HEMK2: variants seen among roughly 807,000 people sequenced by gnomAD.
HEMK2 encodes HemK methyltransferase 2, ETF1 glutamine and histone H4 lysine, also known as methyltransferase HEMK2.
chr21:28,651,096 T>C, the HEMK2 span, among the ~76,000 whole-genome samples: 1 of 152,310 alleles, frequency 6.6e-6, no homozygotes, highest in East Asian at 1.9e-4. Flanking sequence ...TTCAGGAAGA[T>C]AGTTAGAGCT....
the HEMK2 span, among the ~76,000 whole-genome samples, chr21:28,675,600 G>A: frequency 6.6e-6 from 1 of 152,204 alleles, no homozygotes; most frequent in African/African-American, 2.4e-5. Context: ...TATAAGGATT[G>A]ATGATGCATC....
chr21:28,877,239 GGGAAGGGAAGGGAAGAGAAGGGAA>G, the HEMK2 span, among the ~76,000 whole-genome samples: 1 of 98,544 alleles, frequency 1.0e-5, no homozygotes, highest in Non-Finnish European at 2.2e-5. Flanking sequence ...AGGAAAGGAA[GGGAAGGGAAGGGAAGAGAAGGGAA>G]GGAAGGAAGG....
the HEMK2 span, among the ~76,000 whole-genome samples, chr21:28,676,223 T>G: frequency 3.2e-4 from 49 of 152,318 alleles, no homozygotes; most frequent in East Asian, 8.5e-3. Context: ...GATATCAAGG[T>G]GTCAACAAGG....
the HEMK2 span, among the ~76,000 whole-genome samples, chr21:28,687,350 C>A: frequency 6.6e-6 from 1 of 152,192 alleles, no homozygotes; most frequent in Non-Finnish European, 1.5e-5. Flanking sequence ...ACCTCATTTT[C>A]CTCGTCTAGA....
At chr21:28,711,218 T>G in the HEMK2 span, among the ~76,000 whole-genome samples, 4 of 152,296 alleles carry the variant, frequency 2.6e-5, no homozygotes, top group South Asian at 8.3e-4. Flanking sequence ...TCCTCTTAAT[T>G]ATTTTGGAGG....
the HEMK2 span, among the ~76,000 whole-genome samples, chr21:28,741,845 T>C: frequency 6.6e-6 from 1 of 152,186 alleles, no homozygotes; most frequent in African/African-American, 2.4e-5. Context: ...CTATTGTAAA[T>C]AGTGCTGCAG....
At chr21:28,837,250 T>G in the HEMK2 span, among the ~76,000 whole-genome samples, 6 of 152,218 alleles carry the variant, frequency 3.9e-5, no homozygotes, top group Non-Finnish European at 8.8e-5. Context: ...CACATTCTAT[T>G]CAACAACACA....
the HEMK2 span, among the ~76,000 whole-genome samples, chr21:28,698,399 T>C: frequency 6.6e-6 from 1 of 152,322 alleles, no homozygotes; most frequent in South Asian, 2.1e-4. Context: ...AAAATAATGT[T>C]GAGCACATTA....
At chr21:28,695,973 T>TA in the HEMK2 span, among the ~76,000 whole-genome samples, 49 of 151,952 alleles carry the variant, frequency 3.2e-4, no homozygotes, top group East Asian at 3.5e-3. Flanking sequence ...CTCGGTAATT[T>TA]TTATATATAT....
At chr21:28,830,516 T>C in the HEMK2 span, among the ~76,000 whole-genome samples, 1 of 152,190 alleles carries the variant, frequency 6.6e-6, no homozygotes, top group African/African-American at 2.4e-5. Flanking sequence ...CCAGGTCAGG[T>C]AGTTCTTTAT....
At chr21:28,678,004 G>A in the HEMK2 span, among the ~76,000 whole-genome samples, 21 of 152,224 alleles carry the variant, frequency 1.4e-4, no homozygotes, top group African/African-American at 4.8e-4. Context: ...TCCTCCAAAG[G>A]AATGCAGCTC....
the HEMK2 span, among the ~76,000 whole-genome samples, chr21:28,835,289 G>C: frequency 8.4e-3 from 1,278 of 152,256 alleles, 17 homozygotes; most frequent in African/African-American, 0.029. Flanking sequence ...CCATGGCTGA[G>C]AGACACATAG....
the HEMK2 span, among the ~76,000 whole-genome samples, chr21:28,838,083 C>T: frequency 6.6e-6 from 1 of 152,172 alleles, no homozygotes; most frequent in Non-Finnish European, 1.5e-5. Context: ...CAGGACCTGA[C>T]AGATTCACAG....
At chr21:28,643,251 G>A in the HEMK2 span, among the ~76,000 whole-genome samples, 1 of 152,204 alleles carries the variant, frequency 6.6e-6, no homozygotes, top group African/African-American at 2.4e-5. Context: ...TCACCCTTAA[G>A]GTGATGGTGG....
chr21:28,600,486 C>T, the HEMK2 span, among the ~76,000 whole-genome samples: 7 of 152,334 alleles, frequency 4.6e-5, no homozygotes, highest in East Asian at 3.9e-4. Flanking sequence ...ACCCTGGGCC[C>T]GGCCCATGAA....
At chr21:28,746,105 CAT>C in the HEMK2 span, among the ~76,000 whole-genome samples, 455 of 152,220 alleles carry the variant, frequency 3.0e-3, 3 homozygotes, top group African/African-American at 9.3e-3. Context: ...ATAATGTAGA[CAT>C]GTGTAAGTAA....
the HEMK2 span, among the ~76,000 whole-genome samples, chr21:28,606,816 T>C: frequency 6.6e-6 from 1 of 152,160 alleles, no homozygotes; most frequent in East Asian, 1.9e-4. Flanking sequence ...AGTAAAATTG[T>C]TATAATTATG....
At chr21:28,872,423 G>T in the HEMK2 span, 1 of 152,200 alleles carries the variant, frequency 6.6e-6, no homozygotes, top group Non-Finnish European at 1.5e-5. Flanking sequence ...TTGAGAAATG[G>T]AATCTTTCAC....
the HEMK2 span, among the ~76,000 whole-genome samples, chr21:28,587,777 GA>G: frequency 6.6e-6 from 1 of 152,118 alleles, no homozygotes; most frequent in South Asian, 2.1e-4. Flanking sequence ...AATGCAAACT[GA>G]ATGTTCAGAA....
Sources: allele counts gnomAD v4.1 joint callset (sites outside exome capture counted in the v4.1 genomes callset), GRCh38; gene constraint gnomAD v4.1.1; transcripts MANE v1.5; gene names NCBI Gene and HGNC (gene_info 2026-07-23, HGNC 2026-07-21).